Variants in TOX observed in about 807,000 individuals in gnomAD.
TOX encodes thymocyte selection-associated high mobility group box protein TOX.
A neutral mutation model predicts 53.7 loss-of-function variants in TOX; 11 were observed. The ratio of observed to expected loss-of-function variants is 0.20; its 90% CI spans 0.13 to 0.34. The LOEUF (loss-of-function observed/expected upper bound fraction) is 0.34. Ranked by LOEUF, TOX falls within the 10% of genes least tolerant of loss-of-function variation. TOX has a pLI of 1.00. For synonymous variants in TOX, 225 were observed against 245.3 expected, an observed-to-expected ratio of 0.92 and a Z score of 0.77; for missense variants, 570 against 664.6, an observed-to-expected ratio of 0.86 and a Z score of 1.56.
intron 2 of TOX, among the ~76,000 whole-genome samples, chr8:58,958,056 A>G (rs1459410526): frequency 6.6e-6 from 1 of 152,232 alleles, no homozygotes; most frequent in Non-Finnish European, 1.5e-5. Context: ...GCACATTCTA[A>G]AAACATTTTC....
At chr8:59,069,999 AG>A (rs778017575) in intron 1 of TOX, among the ~76,000 whole-genome samples, 2 of 152,238 alleles carry the variant, frequency 1.3e-5, no homozygotes, top group Non-Finnish European at 2.9e-5. Context: ...AAGACAGAAG[AG>A]AAACCTCAAG....
At chr8:59,031,459 G>T (rs182227095) in intron 1 of TOX, among the ~76,000 whole-genome samples, 1 of 152,162 alleles carries the variant, frequency 6.6e-6, no homozygotes, top group African/African-American at 2.4e-5. Context: ...TGTTCCAGGC[G>T]CTGTTCTAAT....
At chr8:59,084,486 A>G (rs935504843) in intron 1 of TOX, among the ~76,000 whole-genome samples, 4 of 152,198 alleles carry the variant, frequency 2.6e-5, no homozygotes, top group African/African-American at 9.6e-5. Context: ...TAAACTACTA[A>G]TAATTCGTAG....
chr8:59,062,797 T>G (rs1804009536), intron 1 of TOX, among the ~76,000 whole-genome samples: 1 of 152,188 alleles, frequency 6.6e-6, no homozygotes, highest in African/African-American at 2.4e-5. Context: ...TGTGTGTGTG[T>G]CTGTGTGTGA....
intron 3 of TOX, among the ~76,000 whole-genome samples, chr8:58,867,423 C>G (rs1269665614): frequency 6.6e-6 from 1 of 152,202 alleles, no homozygotes; most frequent in East Asian, 1.9e-4. Flanking sequence ...GTTGAAGGGA[C>G]TAAAGGGCTG....
intron 5 of TOX, among the ~76,000 whole-genome samples, chr8:58,835,129 T>C (rs1264716206): frequency 1.3e-5 from 2 of 152,246 alleles, no homozygotes; most frequent in African/African-American, 2.4e-5. Context: ...AAATGATTTA[T>C]ATAAGTCAAC....
intron 1 of TOX, among the ~76,000 whole-genome samples, chr8:58,985,930 A>G (rs187752973): frequency 9.4e-4 from 143 of 152,316 alleles, no homozygotes; most frequent in African/African-American, 3.2e-3. Flanking sequence ...TTGCAAGAGC[A>G]CCAAGGGCCT....
chr8:58,987,361 C>T (rs115316423), intron 1 of TOX, among the ~76,000 whole-genome samples: 5,192 of 152,186 alleles, frequency 0.034, 248 homozygotes, highest in South Asian at 0.098. Flanking sequence ...GATGCCACTC[C>T]CTCAGAGAAA....
rs773227092 is a variant in TOX, at chr8:58,821,922, C to T, written c.1005+4900G>A. Among the ~76,000 whole-genome samples, 46 of 152,012 alleles carry T rather than the reference C, an allele frequency of 3.0e-4. 1 individual carries two copies. Among genetic ancestry groups the T allele is most frequent in the Non-Finnish European group, 1.3e-4 (9 of 67,982 alleles). ...ACCTGGGATTCGAATCCAGATCCAC[C>T]CGCCCCAGAGACTACAGACTCCTCA... On this transcript the variant is annotated intron_variant, in intron 6 of 8. Coordinates refer to ENST00000361421, the MANE Select transcript of TOX (RefSeq NM_014729.3).
intron 1 of TOX, among the ~76,000 whole-genome samples, chr8:59,015,071 C>T (rs1813982362): frequency 6.6e-6 from 1 of 152,206 alleles, no homozygotes; most frequent in South Asian, 2.1e-4. Flanking sequence ...TCAACCCCCT[C>T]TGGGTTTAAT....
At chr8:58,915,222 C>A (rs1273234245) in intron 3 of TOX, among the ~76,000 whole-genome samples, 1 of 150,340 alleles carries the variant, frequency 6.7e-6, no homozygotes, top group African/African-American at 2.5e-5. Flanking sequence ...GGCCTGCCTG[C>A]CTCTGTAGGC....
chr8:58,997,802 G>GT (rs952608479), intron 1 of TOX, among the ~76,000 whole-genome samples: 40 of 151,818 alleles, frequency 2.6e-4, no homozygotes, highest in Admixed American at 8.5e-4. Flanking sequence ...GTTTTGTTTT[G>GT]TTTTTTTTGA....
intron 3 of TOX, among the ~76,000 whole-genome samples, chr8:58,930,001 A>T (rs1271248259): frequency 6.6e-6 from 1 of 152,222 alleles, no homozygotes; most frequent in Non-Finnish European, 1.5e-5. Context: ...TCAATTTAAT[A>T]GTGGAATAGG....
intron 1 of TOX, among the ~76,000 whole-genome samples, chr8:59,017,289 CCTGT>C (rs1220768031): frequency 2.6e-5 from 4 of 151,938 alleles, no homozygotes; most frequent in South Asian, 2.1e-4. Flanking sequence ...TTGGAGAGAC[CCTGT>C]CTATGTAAAT....
chr8:58,973,804 CT>C (rs921295196), intron 1 of TOX, among the ~76,000 whole-genome samples: 51 of 145,590 alleles, frequency 3.5e-4, no homozygotes, highest in South Asian at 6.5e-4. Flanking sequence ...AAGTGGTTTT[CT>C]TTTTTTTTTT....
intron 3 of TOX, among the ~76,000 whole-genome samples, chr8:58,868,220 C>A (rs151252376): frequency 6.6e-6 from 1 of 152,160 alleles, no homozygotes; most frequent in Non-Finnish European, 1.5e-5. Flanking sequence ...GATTGTGAGG[C>A]CTCCCCTCCC....
intron 1 of TOX, among the ~76,000 whole-genome samples, chr8:59,007,233 C>A (rs1442911102): frequency 6.9e-6 from 1 of 144,088 alleles, no homozygotes; most frequent in Non-Finnish European, 1.5e-5. Context: ...TTTTTTTTTT[C>A]TTCAGTTATG....
intron 1 of TOX, among the ~76,000 whole-genome samples, chr8:59,013,815 A>G (rs1813959562): frequency 6.6e-6 from 1 of 152,206 alleles, no homozygotes; most frequent in Non-Finnish European, 1.5e-5. Context: ...ATTTAATTCA[A>G]TTCAGTTAAG....
At chr8:58,993,782 T>C (rs1404221068) in intron 1 of TOX, among the ~76,000 whole-genome samples, 1 of 152,134 alleles carries the variant, frequency 6.6e-6, no homozygotes, top group Non-Finnish European at 1.5e-5. Flanking sequence ...TTTTATCCTT[T>C]TATATGGATT....
Sources: gnomAD v4.1 joint callset for allele counts (sites outside exome capture counted in the v4.1 genomes callset) on GRCh38, gnomAD v4.1.1 for gene constraint, MANE v1.5 for transcripts, NCBI Gene and HGNC (gene_info 2026-07-23, HGNC 2026-07-21) for gene names.